The following PDGFA variants were observed in gnomAD, a reference collection of about 807,000 sequenced individuals.
PDGFA encodes platelet derived growth factor subunit A.
In PDGFA, 9 loss-of-function variants were observed where a neutral mutation model predicts 25.6. The ratio of observed to expected loss-of-function variants is 0.35; its 90% confidence interval spans 0.21 to 0.61. The LOEUF is 0.61. Among genes scored for constraint, PDGFA ranks in the 20% least tolerant of loss-of-function variants. PDGFA has a pLI of 0.75. For synonymous variants in PDGFA, 133 were observed against 111.8 expected (o/e 1.19, Z -1.20); for missense variants, 242 against 272.8 (o/e 0.89, Z 0.79).
intron 2 of PDGFA, among the ~76,000 whole-genome samples, chr7:516,637 C>A (rs1296676535): frequency 6.6e-6 from 1 of 152,170 alleles, no homozygotes; most frequent in Non-Finnish European, 1.5e-5. Context: ...GGGCGGGCGG[C>A]CACCCTACAC....
upstream of PDGFA, chr7:520,506 T>G (rs1452669739): frequency 6.6e-6 from 1 of 152,644 alleles, no homozygotes; most frequent in Admixed American, 6.5e-5. Flanking sequence ...GGAAAGGGCC[T>G]GCAGCCCGCC....
At chr7:503,613 G>T (rs770970294) in intron 4 of PDGFA, among the ~76,000 whole-genome samples, 13 of 152,190 alleles carry the variant, frequency 8.5e-5, no homozygotes, top group Non-Finnish European at 1.6e-4. Flanking sequence ...GGGCCCCCAG[G>T]GAGAAGGTCA....
At position 512,696 on chromosome 7, in the gene PDGFA, G is replaced by A. The variant is rs1583155513; in HGVS notation, c.161-241C>T. The A allele has an allele frequency of 3.5e-6, 5 of 1,430,888 alleles. No individual in the cohort carries two copies. The African/African-American group carries it at 5.7e-5, about 16-fold the overall frequency. 88.6% of individuals were successfully genotyped at this position (1,430,888 alleles called of 1,614,324 possible). A position where few individuals can be genotyped will look rare whatever the true frequency, so the allele number is the denominator to read the frequency against. On this transcript the variant is annotated intron_variant, in intron 2 of 5. Coordinates refer to ENST00000402802, the Ensembl canonical transcript of PDGFA. ...CCGCAGAAAACGCCCCGTTAGCACA[G>A]AGGTCCCCACATTCAGGGGCCCGTG...
At chr7:518,943 G>A in exon 1 of PDGFA, 1 of 1,526,784 alleles carries the variant, frequency 6.5e-7, no homozygotes. Flanking sequence ...ACCAACCTCG[G>A]CCAGAACATG....
chr7:497,959 CAAAAAAAAAAAA>C (rs1166606050), exon 6 of PDGFA: 2 of 56,688 alleles, frequency 3.5e-5, no homozygotes, highest in African/African-American at 7.6e-5. Context: ...AAAAAAAAAA[CAAAAAAAAAAAA>C]AACAAAACAA....
At chr7:514,453 G>A (rs1230764657) in intron 2 of PDGFA, among the ~76,000 whole-genome samples, 1 of 152,148 alleles carries the variant, frequency 6.6e-6, no homozygotes, top group Non-Finnish European at 1.5e-5. Flanking sequence ...AGCTCAAGAT[G>A]CCGAGAGTGG....
At chr7:519,659 C>A (rs1783281594), upstream of PDGFA, among the ~76,000 whole-genome samples, 1 of 145,746 alleles carries the variant, frequency 6.9e-6, no homozygotes, top group Non-Finnish European at 1.5e-5. Context: ...CCGGGCAGCG[C>A]CCGCGGCCGA....
rs1782316403 is a variant in PDGFA at position 501,107 on chromosome 7, G to A, written c.580+9C>T. On this transcript the variant is annotated intron_variant, in intron 5 of 5. Transcript: ENST00000402802. ...TCCAACACCGATGCCGACGAAGGCA[G>A]CCACTCACCCGTGTCCTCTTCCCGA... 4 of 1,614,000 alleles carry A rather than the reference G, an allele frequency of 2.5e-6. No individual in the cohort carries two copies. In the African/African-American group the frequency reaches 4.0e-5, roughly 16 times the overall value.
intron 5 of PDGFA, among the ~76,000 whole-genome samples, chr7:499,779 C>T (rs1422132705): frequency 2.8e-5 from 4 of 141,640 alleles, no homozygotes; most frequent in African/African-American, 2.6e-5. Context: ...GTTTCTGGAG[C>T]TTTAGCAGCC....
At chr7:503,151 A>G (rs547492061) in intron 4 of PDGFA, among the ~76,000 whole-genome samples, 1 of 152,284 alleles carries the variant, frequency 6.6e-6, no homozygotes, top group Admixed American at 6.5e-5. Context: ...GGCGCAGGCA[A>G]GCTCTAACTA....
intron 4 of PDGFA, among the ~76,000 whole-genome samples, chr7:502,180 C>G (rs1385715952): frequency 6.6e-6 from 1 of 152,084 alleles, no homozygotes; most frequent in Admixed American, 6.5e-5. Flanking sequence ...TGGTATCACA[C>G]CACTGCACTC....
chr7:518,946 A>G (rs1783237305), exon 1 of PDGFA: 1 of 1,529,640 alleles, frequency 6.5e-7, no homozygotes. Context: ...AACCTCGGCC[A>G]GAACATGGGC....
chr7:516,223 C>A (rs1278425831), intron 2 of PDGFA, among the ~76,000 whole-genome samples: 1 of 150,832 alleles, frequency 6.6e-6, no homozygotes, highest in Non-Finnish European at 1.5e-5. Flanking sequence ...CCTCCGCCCC[C>A]GATAAGGATC....
At position 500,925 on chromosome 7, in the gene PDGFA, G is replaced by A. The variant is rs537131025; in HGVS notation, c.580+191C>T. Reference sequence around the variant, plus strand: ...CGCAGCTTGGGCCACCCTCCCCACCGGACACCTGCAGGTGTGGGATCCGTC... The same window carrying A: ...CGCAGCTTGGGCCACCCTCCCCACCAGACACCTGCAGGTGTGGGATCCGTC... On this transcript the variant is annotated intron_variant, in intron 5 of 5. Transcript: ENST00000402802. The surrounding 1 kb of genome is among the most constrained non-coding windows in gnomAD (Gnocchi z 5.0). 30 of 1,588,776 alleles carry A rather than the reference G, an allele frequency of 1.9e-5. No homozygotes were observed. Among genetic ancestry groups the A allele is most frequent in the African/African-American group, 9.4e-5 (7 of 74,708 alleles).
chr7:519,178 G>A (rs1386168366), exon 1 of PDGFA: 3 of 461,436 alleles, frequency 6.5e-6, no homozygotes, highest in Admixed American at 4.2e-5. Flanking sequence ...TGAGTGCGGA[G>A]AGGCAGGCAG....
At chr7:503,856 C>T (rs1282138671) in intron 4 of PDGFA, among the ~76,000 whole-genome samples, 1 of 152,126 alleles carries the variant, frequency 6.6e-6, no homozygotes, top group Non-Finnish European at 1.5e-5. Context: ...AGGACCTGGC[C>T]TGGGAGGTTT....
At chr7:497,945 AAAAAAAAAAAAAACAAAAAAAAAAAAAAC>A (rs1782136548) in exon 6 of PDGFA, 8 of 120,568 alleles carry the variant, frequency 6.6e-5, no homozygotes, top group Admixed American at 9.0e-5. Context: ...GGTGTAAAAA[AAAAAAAAAAAAAACAAAAAAAAAAAAAAC>A]AAAACAAAAA....
chr7:510,861 T>C, exon 4 of PDGFA: 1 of 1,610,368 alleles, frequency 6.2e-7, no homozygotes, highest in East Asian at 2.2e-5. Context: ...ACTGCTCGTG[T>C]TGCAGCAGCC....
Position 517,724 on chromosome 7 carries a change from T to G in PDGFA, c.64-234A>C, listed in dbSNP as rs1455645248. 6.7e-6 allele frequency among the ~76,000 whole-genome samples: 1 copy of G among 149,070 alleles called. No homozygotes were observed. The highest frequency in any genetic ancestry group is 2.5e-5 in the African/African-American group (1 of 39,970). ...CATCCATGTTCCGCCCTTTGCAAAA[T>G]CAAAGCCCCCCCCCCTTTATATTTT... On this transcript the variant is annotated intron_variant, in intron 1 of 5. Coordinates refer to ENST00000402802, the Ensembl canonical transcript of PDGFA. This position sits in a 1 kb window ranked among gnomAD's most constrained non-coding sequence, Gnocchi z 7.4.
Sources: allele counts gnomAD v4.1 joint callset (sites outside exome capture counted in the v4.1 genomes callset), GRCh38; gene constraint gnomAD v4.1.1; non-coding constraint Gnocchi (gnomAD v3.1); transcripts MANE v1.5; gene names NCBI Gene and HGNC (gene_info 2026-07-23, HGNC 2026-07-21).